Variants in PLEKHG5 observed in about 807,000 individuals in gnomAD.
PLEKHG5 encodes the protein pleckstrin homology domain-containing family G member 5.
A neutral mutation model predicts 103.8 loss-of-function variants in PLEKHG5; 52 were observed. That is an observed-to-expected ratio of 0.50 (90% confidence interval 0.40 to 0.63). PLEKHG5 has a LOEUF of 0.63. PLEKHG5 is among the 30% of genes least tolerant of loss of function. The probability of loss-of-function intolerance (pLI) is 0.00; values close to 1 mark genes in which losing one functional copy is unlikely to be tolerated. For missense variants in PLEKHG5, 1,205 were observed against 1,347.6 expected (o/e 0.89, Z 1.66); for synonymous variants, 592 against 575.5 (o/e 1.03, Z -0.41).
chr1:6,475,006 C>T, intron 5 of PLEKHG5, 41 bp downstream of exon 5: 1 of 1,213,152 alleles, frequency 8.2e-7, no homozygotes, highest in Non-Finnish European at 1.2e-6. Flanking sequence ...GCCACCCCTA[C>T]TCCCAGTCCC....
chr1:6,505,090 T>C lies in PLEKHG5; in HGVS notation c.-164-8521A>G, dbSNP rs1358258792. 6.6e-6 allele frequency among the ~76,000 whole-genome samples: 1 copy of C among 152,124 alleles called. No individual in the cohort carries two copies. The highest frequency in any genetic ancestry group is 1.5e-5 in the Non-Finnish European group (1 of 68,018). ...CTCCTGGGCCCGAGGATGAGGCTAA[T>C]GGAGAAGAGAACCCAGGCCCAGGCC... On this transcript the variant is annotated intron_variant, in intron 1 of 21. Coordinates refer to the PLEKHG5 transcript ENST00000377740. The surrounding 1 kb of genome is among the most constrained non-coding windows in gnomAD (Gnocchi z 4.2).
Position 6,468,396 on chromosome 1 carries a change from A to T in PLEKHG5, c.2440T>A (p.Ser814Thr). 1 of 1,610,936 alleles carries T rather than the reference A, an allele frequency of 6.2e-7. No homozygotes were observed. The highest frequency in any genetic ancestry group is 1.3e-5 in the African/African-American group (1 of 74,936). ...PLGPVDGRSC[S>T]MDSAYGTLSP... ...AGGGTGCCGTAGGCAGAGTCCATGG[A>T]GCAGGAGCGGCCGTCCACCGGACCC... Residue 814 changes from serine (S) to threonine (T), a missense_variant, in exon 20 of 21, where the codon TCC (serine) becomes ACC (threonine). By Grantham distance (58) the Ser-to-Thr change is moderately conservative. Coordinates refer to ENST00000377728, the MANE Select transcript of PLEKHG5 (RefSeq NM_020631.6).
chr1:6,471,028 G>A lies in PLEKHG5; in HGVS notation c.1354C>T (p.Leu452=). 5.6e-6 allele frequency: 9 copies of A among 1,606,616 alleles called. No homozygotes were observed. The highest frequency in any genetic ancestry group is 7.6e-6 in the Non-Finnish European group (9 of 1,176,998). The part of the protein sequence containing the change: ...EEGCMEYMRG[L]LRDNDLFRAY... Reference sequence around the variant, plus strand: ...CGGAAGAGGTCGTTGTCGCGCAGCAGGCCGCGCATGTACTCCATGCAGCCC... The same window carrying A: ...CGGAAGAGGTCGTTGTCGCGCAGCAAGCCGCGCATGTACTCCATGCAGCCC... Residue 452 remains leucine (L), a synonymous_variant, in exon 13 of 21, where the codon CTG becomes TTG. Transcript: ENST00000377728.
intron 20 of PLEKHG5, 60 bp from the exon 21 acceptor site, chr1:6,467,632 G>A: frequency 1.9e-6 from 3 of 1,575,758 alleles, no homozygotes; most frequent in Non-Finnish European, 2.6e-6. Context: ...AGTGGCTCTG[G>A]TCACCCTCTC....
chr1:6,468,106 TG>T lies in PLEKHG5; in HGVS notation c.2729del (p.Pro910GlnfsTer32). The T allele has an allele frequency of 6.3e-7, 1 of 1,582,684 alleles. No homozygotes were observed. Among genetic ancestry groups the T allele is most frequent in the Non-Finnish European group, 8.6e-7 (1 of 1,164,390 alleles). On this transcript the variant is annotated frameshift_variant, in exon 20 of 21. Transcript: ENST00000377728. LOFTEE classifies it high-confidence loss of function. ...AGCCCTGAGTCCTAATACCTGGGGC[TG>T]GAACAGCCAGGCAGAGCTCTGACAG... ...RSLSELCLAVPAPGIRTQGSP... is the reference protein window; with the variant it reads ...RSLSELCLAVXAPGIRTQGSP...
At chr1:6,473,878 C>T in intron 7 of PLEKHG5, 135 bp downstream of exon 7, 2 of 895,600 alleles carry the variant, frequency 2.2e-6, no homozygotes, top group East Asian at 2.6e-5. Flanking sequence ...CAGCCAACCC[C>T]ATTTTCCAGA....
Position 6,474,142 on chromosome 1 carries a change from C to T in PLEKHG5, c.462G>A (p.Glu154=). The change falls in exon 7 of 21, where the codon GAG becomes GAA. Residue 154 remains glutamate, a synonymous_variant. Coordinates refer to ENST00000377728, the MANE Select transcript of PLEKHG5 (RefSeq NM_020631.6). ...RVKAPAKPGD[E]GKVEQGMKDS... ...CCTTCATGCCCTGCTCCACCTTGCC[C>T]TCATCTCCAGGCTTGGCTGGGGCTG... 1 of 1,613,574 alleles carries T rather than the reference C, an allele frequency of 6.2e-7. No homozygotes were observed. Among genetic ancestry groups the T allele is most frequent in the Non-Finnish European group, 8.5e-7 (1 of 1,179,966 alleles).
chr1:6,480,393 G>T (rs1009981183), intron 1 of PLEKHG5, among the ~76,000 whole-genome samples: 29 of 151,902 alleles, frequency 1.9e-4, no homozygotes, highest in African/African-American at 7.0e-4. Flanking sequence ...AGCCAGTCGT[G>T]GCAGCGTACG....
chr1:6,469,146 CTCT>C lies in PLEKHG5; in HGVS notation c.2142_2144del (p.Glu723del), dbSNP rs770809301. 12 of 1,591,832 alleles carry C rather than the reference CTCT, an allele frequency of 7.5e-6. No individual in the cohort carries two copies. The highest frequency in any genetic ancestry group is 1.7e-4 in the Middle Eastern group (1 of 5,950). The stretch of plus-strand genomic sequence containing the variant: ...CTTCCTCCTCCTCCTCCTCCTCCTC[CTCT>C]TCCTCCTCCTGCTCATCCTCCTCCT... On this transcript the variant is annotated inframe_deletion, in exon 19 of 21. Transcript: ENST00000377728.
chr1:6,469,694 G>A lies in PLEKHG5; in HGVS notation c.1801-18C>T, dbSNP rs770771881. On this transcript the variant is annotated intron_variant, in intron 16 of 20. Transcript: ENST00000377728. ...ACATCCATCTGCAGTGGCAGGAGGGGGGGTGGCCAGAGAGGCCAGCAGGGT... is the reference window on the plus strand; with the variant it reads ...ACATCCATCTGCAGTGGCAGGAGGGAGGGTGGCCAGAGAGGCCAGCAGGGT... The A allele has an allele frequency of 6.2e-7, 1 of 1,610,486 alleles. No individual in the cohort carries two copies. The highest frequency in any genetic ancestry group is 1.7e-5 in the Admixed American group (1 of 60,012).
upstream of PLEKHG5, among the ~76,000 whole-genome samples, chr1:6,492,109 C>T (rs1645158550): frequency 1.3e-5 from 2 of 152,182 alleles, no homozygotes; most frequent in African/African-American, 4.8e-5. Flanking sequence ...CTCTAGGAAA[C>T]GGAGATGGGG....
intron 1 of PLEKHG5, among the ~76,000 whole-genome samples, chr1:6,504,668 C>T (rs1426714573): frequency 3.3e-5 from 5 of 151,592 alleles, no homozygotes; most frequent in Non-Finnish European, 7.4e-5. Context: ...CTCCCGGGTT[C>T]ACGCCATTCT....
intron 1 of PLEKHG5, among the ~76,000 whole-genome samples, chr1:6,479,282 CTTTTTTTTTTTT>C (rs59798457): frequency 1.5e-5 from 2 of 130,914 alleles, no homozygotes; most frequent in Non-Finnish European, 3.2e-5. Flanking sequence ...TCTGTTTATC[CTTTTTTTTTTTT>C]TTTTTTTTTT....
rs1349072576 is a variant in PLEKHG5, at chr1:6,490,674, G to A, written c.-88+963C>T. The A allele has an allele frequency of 1.6e-5, 14 of 885,250 alleles. No homozygotes were observed. The highest frequency in any genetic ancestry group is 1.9e-5 in the Non-Finnish European group (14 of 738,804). 54.8% of individuals were successfully genotyped at this position (885,250 alleles called of 1,614,324 possible). A position where few individuals can be genotyped will look rare whatever the true frequency, so the allele number is the denominator to read the frequency against. Reference sequence around the variant, plus strand: ...CAACGGCGCCGCCCGGCTGGGACCGGGGAGAGGAGGGGTCCCAGGAAGGGC... The same window carrying A: ...CAACGGCGCCGCCCGGCTGGGACCGAGGAGAGGAGGGGTCCCAGGAAGGGC... On this transcript the variant is annotated intron_variant, in intron 1 of 20. Coordinates refer to ENST00000377728, the MANE Select transcript of PLEKHG5 (RefSeq NM_020631.6). This position sits in a 1 kb window ranked among gnomAD's most constrained non-coding sequence, Gnocchi z 8.0.
In PLEKHG5 at chr1:6,487,105, G is replaced by A. The variant is rs1557759954; in HGVS notation, c.-88+4532C>T. Among the ~76,000 whole-genome samples, 1 of 152,136 alleles carries A rather than the reference G, an allele frequency of 6.6e-6. No homozygotes were observed. The highest frequency in any genetic ancestry group is 6.5e-5 in the Admixed American group (1 of 15,274). ...CACTGTCTACACCACAGGCAGAGTT[G>A]TGTTTTTGTTTTTTGTTTGTTTGTT... On this transcript the variant is annotated intron_variant, in intron 1 of 20. Coordinates refer to ENST00000377728, the MANE Select transcript of PLEKHG5 (RefSeq NM_020631.6). The surrounding 1 kb of genome is among the most constrained non-coding windows in gnomAD (Gnocchi z 4.1).
At chr1:6,477,731 A>G in intron 1 of PLEKHG5, 73 bp from the exon 2 acceptor site, 2 of 1,519,602 alleles carry the variant, frequency 1.3e-6, no homozygotes, top group South Asian at 2.3e-5. Context: ...CCAGCGCTGC[A>G]GGGACTTAGA....
chr1:6,474,332 G>C (rs1326432952), intron 6 of PLEKHG5, 119 bp downstream of exon 6: 1 of 1,367,838 alleles, frequency 7.3e-7, no homozygotes, highest in Non-Finnish European at 1.0e-6. Context: ...AGAGACACCT[G>C]TATGGTAATG....
At chr1:6,492,938 C>A (rs1459440756), upstream of PLEKHG5, among the ~76,000 whole-genome samples, 1 of 141,076 alleles carries the variant, frequency 7.1e-6, no homozygotes, top group Admixed American at 6.7e-5. Flanking sequence ...CCTGGCCTCG[C>A]TTGCCCCTTA....
Position 6,468,301 on chromosome 1 carries a change from C to A in PLEKHG5, c.2535G>T (p.Glu845Asp), listed in dbSNP as rs533839994. 1.2e-6 allele frequency: 2 copies of A among 1,609,664 alleles called. No homozygotes were observed. Among genetic ancestry groups the A allele is most frequent in the East Asian group, 2.2e-5 (1 of 44,724 alleles). Residue 845 changes from glutamate to aspartate, a missense_variant, in exon 20 of 21, where the codon GAG (glutamate) becomes GAT (aspartate). Coordinates refer to ENST00000377728, the MANE Select transcript of PLEKHG5 (RefSeq NM_020631.6). ...GTGGAGGGGAAGGAACTCGTGGGGA[C>A]TCTGGGGCCCGAGGCACTAGCTCTG... ...PMAELVPRAP[E>D]SPRVPSPPPS...
Sources: allele counts gnomAD v4.1 joint callset (sites outside exome capture counted in the v4.1 genomes callset), GRCh38; gene constraint gnomAD v4.1.1; non-coding constraint Gnocchi (gnomAD v3.1); transcripts MANE v1.5; gene names NCBI Gene and HGNC (gene_info 2026-07-23, HGNC 2026-07-21).